The following NAV3 variants were observed in gnomAD, a reference collection of about 807,000 sequenced individuals.
NAV3 encodes pore membrane and/or filament interacting like protein 1.
In NAV3, 87 loss-of-function variants were observed where a neutral mutation model predicts 244.7. That is an observed-to-expected ratio of 0.36 (90% CI 0.30 to 0.42). The LOEUF (loss-of-function observed/expected upper bound fraction) is 0.42. NAV3 is among the 20% of genes least tolerant of loss of function. The pLI is 1.00. For synonymous variants in NAV3, 1,126 were observed against 1,042.2 expected (o/e 1.08, Z -1.55); for missense variants, 2,663 against 2,893.3 (o/e 0.92, Z 1.83).
chr12:77,616,747 C>T (rs535858042), intron 2 of NAV3, among the ~76,000 whole-genome samples: 125 of 152,172 alleles, frequency 8.2e-4, no homozygotes, highest in African/African-American at 2.9e-3. Flanking sequence ...CACACACACA[C>T]ACACACGATT....
At chr12:78,181,383 T>G (rs1593938092) in intron 30 of NAV3, among the ~76,000 whole-genome samples, 1 of 152,062 alleles carries the variant, frequency 6.6e-6, no homozygotes, top group African/African-American at 2.4e-5. Flanking sequence ...TGACTTTTAT[T>G]AAGTGTGCAA....
At chr12:77,632,828 C>A (rs78668878) in intron 2 of NAV3, among the ~76,000 whole-genome samples, 3 of 151,856 alleles carry the variant, frequency 2.0e-5, no homozygotes, top group Non-Finnish European at 4.4e-5. Flanking sequence ...CAGGTATAAG[C>A]GTTTTTAGAT....
intron 11 of NAV3, among the ~76,000 whole-genome samples, chr12:78,053,912 A>C (rs189527799): frequency 6.6e-6 from 1 of 152,188 alleles, no homozygotes; most frequent in Non-Finnish European, 1.5e-5. Flanking sequence ...ACGAATATAG[A>C]ATTTGTGAAT....
chr12:77,863,185 A>G (rs928448133), intron 1 of NAV3, among the ~76,000 whole-genome samples: 2 of 151,906 alleles, frequency 1.3e-5, no homozygotes, highest in African/African-American at 4.8e-5. Flanking sequence ...AATATTACAG[A>G]AAGGAAATGC....
At chr12:77,734,624 A>G (rs1182507331) in intron 2 of NAV3, among the ~76,000 whole-genome samples, 1 of 152,146 alleles carries the variant, frequency 6.6e-6, no homozygotes, top group Non-Finnish European at 1.5e-5. Context: ...TCTGCATGCA[A>G]TAAATTGCAA....
intron 2 of NAV3, among the ~76,000 whole-genome samples, chr12:77,623,096 T>C (rs1263649350): frequency 6.6e-6 from 1 of 152,218 alleles, no homozygotes; most frequent in Admixed American, 6.5e-5. Context: ...GAATCATCAG[T>C]GTCTGTTTTG....
chr12:77,935,593 A>G (rs1172792949), intron 1 of NAV3, among the ~76,000 whole-genome samples: 1 of 152,212 alleles, frequency 6.6e-6, no homozygotes, highest in Non-Finnish European at 1.5e-5. Flanking sequence ...AACATAGTGA[A>G]AGTCCATATT....
At chr12:77,911,521 A>C (rs1886587227) in intron 1 of NAV3, among the ~76,000 whole-genome samples, 1 of 152,114 alleles carries the variant, frequency 6.6e-6, no homozygotes, top group Non-Finnish European at 1.5e-5. Context: ...ATTGCATCCT[A>C]TGTTGGACTT....
intron 2 of NAV3, among the ~76,000 whole-genome samples, chr12:77,781,564 C>A (rs1046626040): frequency 6.6e-6 from 1 of 152,138 alleles, no homozygotes; most frequent in Non-Finnish European, 1.5e-5. Context: ...TATACACTTA[C>A]ATTTATTGAC....
intron 38 of NAV3, among the ~76,000 whole-genome samples, chr12:78,201,125 C>T (rs1344521575): frequency 2.3e-5 from 3 of 133,186 alleles, no homozygotes; most frequent in Non-Finnish European, 3.1e-5. Flanking sequence ...CAGGCTAGTG[C>T]GCAGTGGTAG....
chr12:78,048,876 C>T (rs538960049), intron 9 of NAV3, among the ~76,000 whole-genome samples: 2 of 152,288 alleles, frequency 1.3e-5, no homozygotes, highest in South Asian at 4.1e-4. Flanking sequence ...TCTGTAAGCC[C>T]CTGACTGGGG....
chr12:77,650,394 C>T (rs954657562), intron 2 of NAV3, among the ~76,000 whole-genome samples: 1 of 152,016 alleles, frequency 6.6e-6, no homozygotes, highest in African/African-American at 2.4e-5. Flanking sequence ...TTGGAGAGAC[C>T]AACAACCAAC....
In NAV3 at chr12:77,988,933, G is replaced by A. The variant is rs374550309; in HGVS notation, c.672-5870G>A. On this transcript the variant is annotated intron_variant, in intron 5 of 39. Coordinates refer to ENST00000397909, the MANE Select transcript of NAV3 (RefSeq NM_001024383.2). ...AAAATGCTTTTCTGCTGTCCAGTGA[G>A]GCATAGACAATAATGTTAAGAAAAA... 8.5e-5 allele frequency among the ~76,000 whole-genome samples: 13 copies of A among 152,116 alleles called. No homozygotes were observed. In the East Asian group the frequency reaches 1.5e-3, roughly 18 times the overall value.
Position 78,128,808 on chromosome 12 carries a change from G to A in NAV3, c.4383G>A (p.Leu1461=). Residue 1461 remains leucine (L), a synonymous_variant, in exon 18 of 40, where the codon CTG becomes CTA. Coordinates refer to ENST00000397909, the MANE Select transcript of NAV3 (RefSeq NM_001024383.2). ...GLQDTGNQSP[L]VSPSAMSSSA... is the part of the protein sequence containing the mutation. ...AGGACACTGGCAACCAGTCACCTCTGGTTTCCCCTTCTGCCATGTCATCTT... is the reference window on the plus strand; with the variant it reads ...AGGACACTGGCAACCAGTCACCTCTAGTTTCCCCTTCTGCCATGTCATCTT... 1 of 1,613,910 alleles carries A rather than the reference G, an allele frequency of 6.2e-7. No individual in the cohort carries two copies.
intron 1 of NAV3, among the ~76,000 whole-genome samples, chr12:77,833,232 G>T (rs962264130): frequency 1.3e-5 from 2 of 152,088 alleles, no homozygotes; most frequent in African/African-American, 2.4e-5. Flanking sequence ...TAGAAGGCAG[G>T]TCTCGTATCT....
chr12:77,688,138 CTTTCA>C (rs1206252310), intron 2 of NAV3, among the ~76,000 whole-genome samples: 2 of 151,826 alleles, frequency 1.3e-5, no homozygotes, highest in African/African-American at 4.8e-5. Flanking sequence ...GTTTTTGAAT[CTTTCA>C]TTTCAGTTCA....
At chr12:77,901,876 A>G (rs1402416738) in intron 1 of NAV3, among the ~76,000 whole-genome samples, 1 of 152,082 alleles carries the variant, frequency 6.6e-6, no homozygotes, top group Non-Finnish European at 1.5e-5. Context: ...TTGGATATGC[A>G]GCTCTGAGAT....
At chr12:77,678,513 C>A (rs918821827) in intron 2 of NAV3, among the ~76,000 whole-genome samples, 3 of 152,028 alleles carry the variant, frequency 2.0e-5, no homozygotes, top group African/African-American at 7.2e-5. Flanking sequence ...AGTATTTTCT[C>A]TTTGGGGACT....
chr12:78,059,247 G>A, intron 12 of NAV3, 132 bp downstream of exon 12: 1 of 844,676 alleles, frequency 1.2e-6, no homozygotes, highest in Non-Finnish European at 1.7e-6. Context: ...ATTTTATTTT[G>A]ATAAATAATT....
Sources: allele counts gnomAD v4.1 joint callset (sites outside exome capture counted in the v4.1 genomes callset), GRCh38; gene constraint gnomAD v4.1.1; transcripts MANE v1.5; gene names NCBI Gene and HGNC (gene_info 2026-07-23, HGNC 2026-07-21).